Variants in NME2 observed in about 807,000 individuals in gnomAD.
The protein encoded by NME2 is nucleoside diphosphate kinase B.
A neutral mutation model predicts 17.8 loss-of-function variants in NME2; 18 were observed. The ratio of observed to expected loss-of-function variants is 1.01; its 90% CI spans 0.70 to 1.50. The LOEUF is 1.50. NME2 is among the 40% of genes most tolerant of loss of function. The probability of loss-of-function intolerance (pLI) is 0.00; values close to 1 mark genes in which losing one functional copy is unlikely to be tolerated. For missense variants in NME2, 161 were observed against 195.6 expected, an observed-to-expected ratio of 0.82 and a Z score of 1.05; for synonymous variants, 74 against 71.4, an observed-to-expected ratio of 1.04 and a Z score of -0.19.
rs773464823 is a variant in NME2 at position 51,171,642 on chromosome 17, G to GGT, written c.*43_*44dup. On this transcript the variant is annotated 3_prime_UTR_variant, in exon 5 of 5. Coordinates refer to ENST00000512737, the MANE Select transcript of NME2 (RefSeq NM_002512.4). ...ACAGCAGTCTCCTTCAGCACGGCGT[G>GGT]GTGTGTCCCTGGACACAGCTCTTCA... The GGT allele has an allele frequency of 1.3e-5, 20 of 1,497,662 alleles. No homozygotes were observed. In the African/African-American group the frequency reaches 2.6e-4, roughly 20 times the overall value. The allele number at this position is 1,497,662 out of a possible 1,614,324, so 92.8% of individuals were successfully genotyped here. A position where few individuals can be genotyped will look rare whatever the true frequency, so the allele number is the denominator to read the frequency against.
At position 51,166,887 on chromosome 17, in the gene NME2, C is replaced by A. The variant is rs1323039306; in HGVS notation, c.57C>A (p.Gly19=). ...TCAAGCCGGACGGCGTGCAGCGCGGCCTGGTGGGCGAGATCATCAAGCGCT... is the reference window on the plus strand; with the variant it reads ...TCAAGCCGGACGGCGTGCAGCGCGGACTGGTGGGCGAGATCATCAAGCGCT... ...IAIKPDGVQR[G]LVGEIIKRFE... The change falls in exon 2 of 5, where the codon GGC becomes GGA. Residue 19 remains glycine (G), a synonymous_variant. Coordinates refer to ENST00000512737, the MANE Select transcript of NME2 (RefSeq NM_002512.4). 1 of 1,613,816 alleles carries A rather than the reference C, an allele frequency of 6.2e-7. No individual in the cohort carries two copies. The highest frequency in any genetic ancestry group is 1.7e-5 in the Admixed American group (1 of 60,014).
rs986328548 is a variant in NME2 at position 51,171,422 on chromosome 17, C to T, written c.342-65C>T. The T allele has an allele frequency of 6.1e-5, 86 of 1,410,184 alleles. No individual in the cohort carries two copies. The African/African-American group carries it at 8.2e-4, about 13-fold the overall frequency. The allele number at this position is 1,410,184 out of a possible 1,614,324, so 87.4% of individuals were successfully genotyped here. ...AAAGAGTCTGGAGTGCTGTCCATTG[C>T]GGTACCCATTAAACAGACTTTTGCA... On this transcript the variant is annotated intron_variant, in intron 4 of 4. Coordinates refer to ENST00000512737, the MANE Select transcript of NME2 (RefSeq NM_002512.4).
intron 4 of NME2, 73 bp downstream of exon 4, chr17:51,170,122 C>A: frequency 1.0e-4 from 97 of 963,116 alleles, no homozygotes; most frequent in Non-Finnish European, 1.3e-4. Context: ...GCGTATCCTA[C>A]TTTCAGAAGA....
chr17:51,171,411 G>A (rs1450771164), intron 4 of NME2, 76 bp from the exon 5 acceptor site: 2 of 1,256,654 alleles, frequency 1.6e-6, no homozygotes, highest in Non-Finnish European at 2.3e-6. Flanking sequence ...AGTCTGGAGT[G>A]CTGTCCATTG....
intron 2 of NME2, 153 bp from the exon 3 acceptor site, chr17:51,168,089 G>T (rs2049985171): frequency 8.3e-6 from 4 of 479,892 alleles, no homozygotes; most frequent in Non-Finnish European, 1.5e-5. Flanking sequence ...ATATTTATGT[G>T]TGTGTATATG....
At position 51,170,069 on chromosome 17, in the gene NME2, G is replaced by T. The variant is rs762267299; in HGVS notation, c.341+20G>T. 3 of 1,589,946 alleles carry T rather than the reference G, an allele frequency of 1.9e-6. No homozygotes were observed. The highest frequency in any genetic ancestry group is 2.6e-6 in the Non-Finnish European group (3 of 1,167,016). On this transcript the variant is annotated intron_variant, in intron 4 of 4. Coordinates refer to ENST00000512737, the MANE Select transcript of NME2 (RefSeq NM_002512.4). ...TGGCAGGTAAGTCCGGGGACAGGAG[G>T]GTGGATGACTTTTATGCAACACCAT...
chr17:51,166,562 A>C lies in NME2; in HGVS notation c.-5+65A>C, dbSNP rs539303913. The stretch of plus-strand genomic sequence containing the variant: ...TTCCCTCTTCCGCTTGCGCTGCCGC[A>C]GGTGGGCCCGGTCTGTGGGCGCCCC... On this transcript the variant is annotated intron_variant, in intron 1 of 4. Transcript: ENST00000512737. 7 of 241,810 alleles carry C rather than the reference A, an allele frequency of 2.9e-5. No individual in the cohort carries two copies. The South Asian group carries it at 1.2e-3, about 42-fold the overall frequency. The allele number at this position is 241,810 out of a possible 1,614,324, so 15.0% of individuals were successfully genotyped here.
chr17:51,167,218 A>C (rs912334781), intron 2 of NME2: 1 of 635,394 alleles, frequency 1.6e-6, no homozygotes, highest in Non-Finnish European at 2.4e-6. Flanking sequence ...CTACCTGCCC[A>C]CCCGCCGCAG....
In NME2 at chr17:51,171,680, A is replaced by G. The variant is rs1598255023; in HGVS notation, c.*76A>G. 10 of 1,090,202 alleles carry G rather than the reference A, an allele frequency of 9.2e-6. No homozygotes were observed. Among genetic ancestry groups the G allele is most frequent in the Non-Finnish European group, 1.4e-5 (10 of 724,332 alleles). 67.5% of individuals were successfully genotyped at this position (1,090,202 alleles called of 1,614,324 possible). A position where few individuals can be genotyped will look rare whatever the true frequency, so the allele number is the denominator to read the frequency against. Reference sequence around the variant, plus strand: ...ACACAGCTCTTCATTCCATTGACTTAGAGGCAACAGGATTGATCATTCTTT... The same window carrying G: ...ACACAGCTCTTCATTCCATTGACTTGGAGGCAACAGGATTGATCATTCTTT... On this transcript the variant is annotated 3_prime_UTR_variant, in exon 5 of 5. Transcript: ENST00000512737.
intron 2 of NME2, among the ~76,000 whole-genome samples, chr17:51,167,796 TAGCA>T (rs1453734183): frequency 6.6e-6 from 1 of 152,094 alleles, no homozygotes; most frequent in Non-Finnish European, 1.5e-5. Context: ...CTGAGCCACA[TAGCA>T]AGCCCCTGTC....
intron 1 of NME2, 44 bp downstream of exon 1, chr17:51,166,541 C>T (rs2049941263): frequency 4.6e-6 from 1 of 216,456 alleles, no homozygotes; most frequent in Non-Finnish European, 9.0e-6. Context: ...CTCCCGTTCC[C>T]TCTTCCGCTT....
chr17:51,169,026 A>T (rs2050010703), intron 3 of NME2, among the ~76,000 whole-genome samples: 1 of 152,228 alleles, frequency 6.6e-6, no homozygotes, highest in East Asian at 1.9e-4. Context: ...TTCCTAGATT[A>T]AAAAACTTTA....
intron 2 of NME2, chr17:51,167,271 T>C (rs184996975): frequency 3.0e-5 from 12 of 398,312 alleles, no homozygotes; most frequent in Admixed American, 8.1e-5. Flanking sequence ...CCAGACCCCC[T>C]GCGCCTGCCC....
chr17:51,171,391 T>C (rs2050065372), intron 4 of NME2, 96 bp from the exon 5 acceptor site: 1 of 997,926 alleles, frequency 1.0e-6, no homozygotes, highest in South Asian at 1.5e-5. Context: ...AGTGGCAATT[T>C]GGCTGAAAGA....
chr17:51,170,342 G>A (rs146524812), intron 4 of NME2, among the ~76,000 whole-genome samples: 174 of 151,652 alleles, frequency 1.1e-3, no homozygotes, highest in African/African-American at 3.9e-3. Context: ...GTTTCACCAC[G>A]TTGGCCAGGC....
chr17:51,171,444 T>C (rs755807250), intron 4 of NME2, 43 bp from the exon 5 acceptor site: 5 of 1,580,346 alleles, frequency 3.2e-6, no homozygotes, highest in Non-Finnish European at 3.5e-6. Flanking sequence ...AACAGACTTT[T>C]GCACTTTAAA....
rs201071252 is a variant in NME2 at position 51,171,560 on chromosome 17, C to T, written c.415C>T (p.Leu139=). The T allele has an allele frequency of 3.1e-6, 5 of 1,613,742 alleles. No individual in the cohort carries two copies. Among genetic ancestry groups the T allele is most frequent in the African/African-American group, 2.7e-5 (2 of 74,908 alleles). Residue 139 remains leucine (L), a synonymous_variant, in exon 5 of 5, where the codon CTG becomes TTG. Transcript: ENST00000512737. ...CAGCCTATGGTTTAAGCCTGAAGAACTGGTTGACTACAAGTCTTGTGCTCA... is the reference window on the plus strand; with the variant it reads ...CAGCCTATGGTTTAAGCCTGAAGAATTGGTTGACTACAAGTCTTGTGCTCA... ...EISLWFKPEE[L]VDYKSCAHDW... is the part of the protein sequence containing the mutation.
chr17:51,167,230 G>C, intron 2 of NME2: 1 of 560,544 alleles, frequency 1.8e-6, no homozygotes, highest in Non-Finnish European at 2.8e-6. Context: ...CCGCCGCAGG[G>C]GGGCAGCAGG....
chr17:51,166,835 C>T lies in NME2; in HGVS notation c.5C>T (p.Ala2Val), dbSNP rs1448624597. 3 of 1,612,504 alleles carry T rather than the reference C, an allele frequency of 1.9e-6. No individual in the cohort carries two copies. Among genetic ancestry groups the T allele is most frequent in the South Asian group, 2.2e-5 (2 of 91,012 alleles). The change falls in exon 2 of 5, where the codon GCC becomes GTC. Residue 2 changes from alanine (A) to valine (V), a missense_variant. Coordinates refer to ENST00000512737, the MANE Select transcript of NME2 (RefSeq NM_002512.4). Reference sequence around the variant, plus strand: ...CACCTCTCGCCCCGCAGGACCATGGCCAACCTGGAGCGCACCTTCATCGCC... The same window carrying T: ...CACCTCTCGCCCCGCAGGACCATGGTCAACCTGGAGCGCACCTTCATCGCC... M[A>V]NLERTFIAIK...
Sources: allele counts gnomAD v4.1 joint callset (sites outside exome capture counted in the v4.1 genomes callset), GRCh38; gene constraint gnomAD v4.1.1; transcripts MANE v1.5; gene names NCBI Gene and HGNC (gene_info 2026-07-23, HGNC 2026-07-21).